ACAN: variants seen among roughly 807,000 people sequenced by gnomAD.
ACAN encodes the protein aggrecan core protein.
ACAN carries 47 observed loss-of-function variants against 169.1 expected under a neutral mutation model. The observed-to-expected ratio is 0.28, with a 90% CI of 0.22 to 0.35. ACAN has a LOEUF of 0.35. Among genes scored for constraint, ACAN ranks in the 10% least tolerant of loss-of-function variants. The pLI is 1.00. For missense variants in ACAN, 2,716 were observed against 2,759.9 expected (o/e 0.98, Z 0.36); for synonymous variants, 1,115 against 1,112.2 (o/e 1.00, Z -0.05).
At chr15:88,842,193 G>A (rs1357598043) in intron 5 of ACAN, among the ~76,000 whole-genome samples, 1 of 152,132 alleles carries the variant, frequency 6.6e-6, no homozygotes, top group African/African-American at 2.4e-5. Context: ...GCACATCCCT[G>A]TTCTAAGGTC....
rs199945310 is a variant in ACAN at position 88,873,814 on chromosome 15, C to T, written c.7448-28C>T. On this transcript the variant is annotated intron_variant, in intron 17 of 18. Coordinates refer to ENST00000560601, the MANE Select transcript of ACAN (RefSeq NM_001369268.1). This position sits in a 1 kb window ranked among gnomAD's most constrained non-coding sequence, Gnocchi z 7.5. ...GGTCATCCCAGGAGACCCTATGAGACCCTTTATAAAGGGTGTTTGCCCCTC... is the reference window on the plus strand; with the variant it reads ...GGTCATCCCAGGAGACCCTATGAGATCCTTTATAAAGGGTGTTTGCCCCTC... The T allele has an allele frequency of 1.9e-6, 3 of 1,609,876 alleles. No homozygotes were observed. Among genetic ancestry groups the T allele is most frequent in the Non-Finnish European group, 2.5e-6 (3 of 1,177,804 alleles).
Position 88,814,745 on chromosome 15 carries a change from C to T in ACAN, c.-8+10936C>T, listed in dbSNP as rs1895898662. Among the ~76,000 whole-genome samples, 1 of 152,228 alleles carries T rather than the reference C, an allele frequency of 6.6e-6. No individual in the cohort carries two copies. Among genetic ancestry groups the T allele is most frequent in the Admixed American group, 6.5e-5 (1 of 15,284 alleles). ...CGCTGCAGATGTTGTACTACAAAGGCTGGATCAACAAGAACTCCTCTTCAG... is the reference window on the plus strand; with the variant it reads ...CGCTGCAGATGTTGTACTACAAAGGTTGGATCAACAAGAACTCCTCTTCAG... On this transcript the variant is annotated intron_variant, in intron 1 of 18. Transcript: ENST00000560601. This position sits in a 1 kb window ranked among gnomAD's most constrained non-coding sequence, Gnocchi z 4.0.
Position 88,838,911 on chromosome 15 carries a change from C to T in ACAN, c.319C>T (p.Pro107Ser), listed in dbSNP as rs749000770. Residue 107 changes from proline to serine, a missense_variant, in exon 3 of 19, where the codon CCC becomes TCC. Around this residue, in one of 3 missense-constraint regions of ACAN, gnomAD observed 1,283 missense variants for 1,281.5 expected, o/e 1.00. Transcript: ENST00000560601. The surrounding 1 kb of genome is among the most constrained non-coding windows in gnomAD (Gnocchi z 5.1). ...TGCCTATCAGGACAAGGTCTCACTGCCCAACTACCCGGCCATCCCCAGTGA... is the reference window on the plus strand; with the variant it reads ...TGCCTATCAGGACAAGGTCTCACTGTCCAACTACCCGGCCATCCCCAGTGA... ...NSAYQDKVSL[P>S]NYPAIPSDAT... 6.2e-7 allele frequency: 1 copy of T among 1,614,040 alleles called. No individual in the cohort carries two copies. Among genetic ancestry groups the T allele is most frequent in the South Asian group, 1.1e-5 (1 of 91,088 alleles).
At position 88,857,207 on chromosome 15, in the gene ACAN, G is replaced by T; in HGVS notation, c.4622G>T (p.Gly1541Val). The change falls in exon 12 of 19, where the codon GGA becomes GTA. Residue 1541 changes from glycine to valine, a missense_variant. Around this residue, in one of 3 missense-constraint regions of ACAN, gnomAD observed 1,389 missense variants for 1,363.7 expected, o/e 1.02. Transcript: ENST00000560601. ...GEEVLEISAS[G>V]FGDLSGLPSG... is the part of the protein sequence containing the mutation. ...GAAGTTCTAGAGATTTCTGCCTCTG[G>T]ATTTGGGGACCTCAGTGGACTTCCT... 6.2e-7 allele frequency: 1 copy of T among 1,612,632 alleles called. No homozygotes were observed. The highest frequency in any genetic ancestry group is 8.5e-7 in the Non-Finnish European group (1 of 1,179,544).
rs531336434 is a variant in ACAN at position 88,860,331 on chromosome 15, G to A, written c.6838G>A (p.Ala2280Thr). The A allele has an allele frequency of 5.4e-5, 87 of 1,609,074 alleles. No individual in the cohort carries two copies. Among genetic ancestry groups the A allele is most frequent in the Admixed American group, 1.8e-4 (11 of 59,520 alleles). Reference sequence around the variant, plus strand: ...CTCTCCCCTGGGGGTTGCAGCCCCCGCCAGGTCCTGTGCAGAGGAGCCCTG... The same window carrying A: ...CTCTCCCCTGGGGGTTGCAGCCCCCACCAGGTCCTGTGCAGAGGAGCCCTG... ...RESESTAAAP[A>T]RSCAEEPCGA... is the part of the protein sequence containing the mutation. The change falls in exon 13 of 19, where the codon GCC becomes ACC. Residue 2280 changes from alanine to threonine, a missense_variant. Coordinates refer to ENST00000560601, the MANE Select transcript of ACAN (RefSeq NM_001369268.1).
intron 1 of ACAN, among the ~76,000 whole-genome samples, chr15:88,830,707 G>A (rs2141542260): frequency 6.6e-6 from 1 of 152,326 alleles, no homozygotes; most frequent in Non-Finnish European, 1.5e-5. Flanking sequence ...CATGAACAGA[G>A]CTTGCAGGAC....
At position 88,845,815 on chromosome 15, in the gene ACAN, G is replaced by C. The variant is rs757639456; in HGVS notation, c.1362G>C (p.Thr454=). 2.6e-6 allele frequency: 4 copies of C among 1,545,522 alleles called. No individual in the cohort carries two copies. Among genetic ancestry groups the C allele is most frequent in the Non-Finnish European group, 3.5e-6 (4 of 1,145,008 alleles). The change falls in exon 7 of 19, where the codon ACG becomes ACC. Residue 454 remains threonine, a synonymous_variant. Coordinates refer to ENST00000560601, the MANE Select transcript of ACAN (RefSeq NM_001369268.1). The stretch of plus-strand genomic sequence containing the variant: ...CCACACCTGGCCTGGGCCCTGCCAC[G>C]GCATTCACCAGTGAGGACCTCGTCG... ...GFPTPGLGPA[T]AFTSEDLVVQ...
intron 1 of ACAN, among the ~76,000 whole-genome samples, chr15:88,832,212 A>T (rs1318788660): frequency 2.0e-5 from 3 of 152,168 alleles, no homozygotes; most frequent in Non-Finnish European, 4.4e-5. Context: ...AGGAATGAAA[A>T]AAAAGAAGTT....
At chr15:88,819,457 A>G (rs1419064730) in intron 1 of ACAN, among the ~76,000 whole-genome samples, 2 of 152,166 alleles carry the variant, frequency 1.3e-5, no homozygotes, top group Admixed American at 6.5e-5. Context: ...AATTGAATCC[A>G]TGATTTAAAT....
rs1056558934 is a variant in ACAN, at chr15:88,870,614, C to T, written c.7061-768C>T. ...CCAGCTCAGCATGGCTCCGCCTGTC[C>T]CCTAGGCTGTCCAAGAACTCCAAGC... On this transcript the variant is annotated intron_variant, in intron 14 of 18. Transcript: ENST00000560601. The surrounding 1 kb of genome is among the most constrained non-coding windows in gnomAD (Gnocchi z 6.3). Among the ~76,000 whole-genome samples the T allele has an allele frequency of 3.3e-5, 5 of 152,148 alleles. No homozygotes were observed. The highest frequency in any genetic ancestry group is 1.2e-4 in the African/African-American group (5 of 41,414).
intron 11 of ACAN, among the ~76,000 whole-genome samples, chr15:88,853,301 A>G (rs11635309): frequency 0.78 from 118,346 of 152,168 alleles, 46,870 homozygotes; most frequent in African/African-American, 0.9. Flanking sequence ...TTGCACTATC[A>G]TTTGCTCCAT....
chr15:88,852,690 A>T (rs532759557), intron 11 of ACAN, among the ~76,000 whole-genome samples: 1 of 152,206 alleles, frequency 6.6e-6, no homozygotes, highest in African/African-American at 2.4e-5. Flanking sequence ...TGAATGTGCT[A>T]ATGTGCACTG....
rs368681276 is a variant in ACAN at position 88,874,461 on chromosome 15, C to T, written c.7687C>T (p.Arg2563Cys). 2.1e-5 allele frequency: 34 copies of T among 1,604,956 alleles called. No individual in the cohort carries two copies. Among genetic ancestry groups the T allele is most frequent in the Admixed American group, 1.0e-4 (6 of 58,798 alleles). The change falls in exon 19 of 19, where the codon CGC (arginine) becomes TGC (cysteine). Residue 2563 changes from arginine to cysteine, a missense_variant. Arg to Cys is a radical substitution (Grantham distance 180). Transcript: ENST00000560601. This position sits in a 1 kb window ranked among gnomAD's most constrained non-coding sequence, Gnocchi z 7.3. ...GAGCTCACGGCACCCTCGGAGGAGC[C>T]GCCCCAGCACAGCCCACTGAGAAGA... ...KRSSRHPRRSRPSTAH is the reference protein window; with the variant it reads ...KRSSRHPRRSCPSTAH
rs1897108665 is a variant in ACAN at position 88,858,283 on chromosome 15, G to A, written c.5698G>A (p.Gly1900Ser). Residue 1900 changes from glycine to serine, a missense_variant, in exon 12 of 19, where the codon GGC (glycine) becomes AGC (serine). Physicochemically the swap from Gly to Ser is moderately conservative, Grantham distance 56. Around this residue, in one of 3 missense-constraint regions of ACAN, gnomAD observed 1,389 missense variants for 1,363.7 expected, o/e 1.02. Coordinates refer to ENST00000560601, the MANE Select transcript of ACAN (RefSeq NM_001369268.1). This position sits in a 1 kb window ranked among gnomAD's most constrained non-coding sequence, Gnocchi z 4.0. ...TCCGGAATTCAGTGGCCTACCAAGTGGCATAGCTGAGGTCAGTGGAGAATC... is the reference window on the plus strand; with the variant it reads ...TCCGGAATTCAGTGGCCTACCAAGTAGCATAGCTGAGGTCAGTGGAGAATC... ...QTPEFSGLPS[G>S]IAEVSGESSR... 2 of 1,613,928 alleles carry A rather than the reference G, an allele frequency of 1.2e-6. No individual in the cohort carries two copies. The highest frequency in any genetic ancestry group is 1.3e-5 in the African/African-American group (1 of 75,026).
intron 6 of ACAN, among the ~76,000 whole-genome samples, chr15:88,845,008 A>C (rs1008073161): frequency 6.6e-6 from 1 of 152,042 alleles, no homozygotes; most frequent in African/African-American, 2.4e-5. Context: ...AAGTAGTATC[A>C]CTCTCATGGT....
Position 88,843,409 on chromosome 15 carries a change from A to G in ACAN, c.812A>G (p.Asn271Ser), listed in dbSNP as rs754225607. The G allele has an allele frequency of 6.9e-6, 11 of 1,602,802 alleles. No homozygotes were observed. The East Asian group carries it at 1.8e-4, about 26-fold the overall frequency. ...AAGTTCACCTTCCAGGAAGCAGCCAATGAGTGCCGGCGGCTGGGTGCCCGG... is the reference window on the plus strand; with the variant it reads ...AAGTTCACCTTCCAGGAAGCAGCCAGTGAGTGCCGGCGGCTGGGTGCCCGG... ...PEKFTFQEAANECRRLGARLA... is the reference protein window; with the variant it reads ...PEKFTFQEAASECRRLGARLA... The change falls in exon 6 of 19, where the codon AAT becomes AGT. Residue 271 changes from asparagine to serine, a missense_variant. Asn to Ser is a conservative substitution (Grantham distance 46, BLOSUM62 1). Coordinates refer to ENST00000560601, the MANE Select transcript of ACAN (RefSeq NM_001369268.1). This position sits in a 1 kb window ranked among gnomAD's most constrained non-coding sequence, Gnocchi z 4.0.
intron 1 of ACAN, among the ~76,000 whole-genome samples, chr15:88,834,242 A>G (rs1896442509): frequency 6.6e-6 from 1 of 152,188 alleles, no homozygotes. Context: ...CATTCACGCC[A>G]TACCCCCAGC....
At position 88,850,060 on chromosome 15, in the gene ACAN, A is replaced by T. The variant is rs1303552840; in HGVS notation, c.2026+329A>T. 13 of 590,732 alleles carry T rather than the reference A, an allele frequency of 2.2e-5. No homozygotes were observed. In the South Asian group the frequency reaches 2.5e-4, roughly 11 times the overall value. The allele number at this position is 590,732 out of a possible 1,614,324, so 36.6% of individuals were successfully genotyped here. On this transcript the variant is annotated intron_variant, in intron 10 of 18. Transcript: ENST00000560601. ...ATGGAGATATAATGGTTCCTACTTC[A>T]GAGAGAGCTGCAAGAATTAATTAAG...
At position 88,841,860 on chromosome 15, in the gene ACAN, G is replaced by C; in HGVS notation, c.750G>C (p.Glu250Asp). 6.2e-7 allele frequency: 1 copy of C among 1,612,772 alleles called. No individual in the cohort carries two copies. The highest frequency in any genetic ancestry group is 1.1e-5 in the South Asian group (1 of 90,946). Residue 250 changes from glutamate (E) to aspartate (D), a missense_variant, in exon 5 of 19, where the codon GAG becomes GAC. Physicochemically the swap from Glu to Asp is conservative, Grantham distance 45. This residue lies in a region of ACAN where 1,283 missense variants were observed against 1,281.5 expected (regional missense o/e 1.00). Coordinates refer to ENST00000560601, the MANE Select transcript of ACAN (RefSeq NM_001369268.1). ...ATGATGTGTACTGCTTCGCCGAGGA[G>C]ATGGAGGGTGAGCTGCCCTGCCCAC... The part of the protein sequence containing the change: ...ETYDVYCFAE[E>D]MEGEVFYATS...
Sources: allele counts gnomAD v4.1 joint callset (sites outside exome capture counted in the v4.1 genomes callset), GRCh38; gene constraint gnomAD v4.1.1; regional missense constraint gnomAD v4.1.1; non-coding constraint Gnocchi (gnomAD v3.1); transcripts MANE v1.5; gene names NCBI Gene and HGNC (gene_info 2026-07-23, HGNC 2026-07-21).